Variants in SPATA4 observed in about 807,000 individuals in gnomAD.
SPATA4 encodes the protein spermatogenesis associated 4.
A neutral mutation model predicts 31.8 loss-of-function variants in SPATA4; 35 were observed. The observed-to-expected ratio is 1.10, with a 90% CI of 0.84 to 1.46. The LOEUF (loss-of-function observed/expected upper bound fraction) is 1.46. Among genes scored for constraint, SPATA4 ranks in the 40% most tolerant of loss-of-function variants. SPATA4 has a pLI of 0.00. For missense variants in SPATA4, 394 were observed against 363.1 expected (o/e 1.09, Z -0.69); for synonymous variants, 126 against 132.4 (o/e 0.95, Z 0.33).
At chr4:176,194,704 A>T (rs1752585808) in intron 1 of SPATA4, 1 of 150,496 alleles carries the variant, frequency 6.6e-6, no homozygotes, top group African/African-American at 2.4e-5. Context: ...GACAAAGGGT[A>T]AACTGATCCT....
intron 4 of SPATA4, among the ~76,000 whole-genome samples, chr4:176,188,763 T>C (rs1423249729): frequency 6.6e-6 from 1 of 152,252 alleles, no homozygotes; most frequent in East Asian, 1.9e-4. Flanking sequence ...ATGTTTCCCA[T>C]ATTTCTTTTT....
intron 5 of SPATA4, among the ~76,000 whole-genome samples, chr4:176,186,240 C>T (rs1752439263): frequency 6.6e-6 from 1 of 152,194 alleles, no homozygotes; most frequent in Non-Finnish European, 1.5e-5. Flanking sequence ...CGTGCTGTGA[C>T]TCATTACTAC....
At chr4:176,188,077 C>G in intron 5 of SPATA4, 42 bp downstream of exon 5, 1 of 1,395,714 alleles carries the variant, frequency 7.2e-7, no homozygotes, top group East Asian at 2.3e-5. Context: ...GAAAGTCAAG[C>G]AAAAAAAAAT....
At chr4:176,190,633 C>T (rs1161118611) in intron 4 of SPATA4, among the ~76,000 whole-genome samples, 1 of 152,204 alleles carries the variant, frequency 6.6e-6, no homozygotes, top group African/African-American at 2.4e-5. Flanking sequence ...CTGTTTATTG[C>T]CTGGCTGTCA....
At position 176,184,673 on chromosome 4, in the gene SPATA4, A is replaced by G. The variant is rs1752409652; in HGVS notation, c.*107T>C. The G allele has an allele frequency of 7.5e-6, 4 of 532,334 alleles. No homozygotes were observed. The East Asian group carries it at 1.3e-4, about 17-fold the overall frequency. The allele number at this position is 532,334 out of a possible 1,614,324, so 33.0% of individuals were successfully genotyped here. A position where few individuals can be genotyped will look rare whatever the true frequency, so the allele number is the denominator to read the frequency against. ...TCTTTAACACAATTATGGAAAAGACACCACTCTATTTATTATTGAAATACA... is the reference window on the plus strand; with the variant it reads ...TCTTTAACACAATTATGGAAAAGACGCCACTCTATTTATTATTGAAATACA... On this transcript the variant is annotated 3_prime_UTR_variant, in exon 6 of 6. Transcript: ENST00000280191.
In SPATA4 at chr4:176,191,384, G is replaced by A. The variant is rs182234380; in HGVS notation, c.688+1243C>T. 5.0e-3 allele frequency among the ~76,000 whole-genome samples: 768 copies of A among 152,278 alleles called. 8 individuals are homozygous for A. The highest frequency in any genetic ancestry group is 0.016 in the African/African-American group (669 of 41,556). ...GCTGGGATTACAGGCGTGAGCCACCGCACCCGGCCTAGATTTCTAAGTTAA... is the reference window on the plus strand; with the variant it reads ...GCTGGGATTACAGGCGTGAGCCACCACACCCGGCCTAGATTTCTAAGTTAA... On this transcript the variant is annotated intron_variant, in intron 4 of 5. Coordinates refer to ENST00000280191, the MANE Select transcript of SPATA4 (RefSeq NM_144644.4).
rs1191814738 is a variant in SPATA4 at position 176,195,482 on chromosome 4, C to A, written c.81G>T (p.Gln27His). 6.2e-7 allele frequency: 1 copy of A among 1,614,148 alleles called. No homozygotes were observed. Among genetic ancestry groups the A allele is most frequent in the African/African-American group, 1.3e-5 (1 of 74,950 alleles). ...ALDKSPSLSPQLAAPIRGRPK... is the reference protein window; with the variant it reads ...ALDKSPSLSPHLAAPIRGRPK... Reference sequence around the variant, plus strand: ...GCCTCCCTCGGATGGGAGCTGCTAGCTGTGGCGAAAGTGACGGTGACTTGT... The same window carrying A: ...GCCTCCCTCGGATGGGAGCTGCTAGATGTGGCGAAAGTGACGGTGACTTGT... The change falls in exon 1 of 6, where the codon CAG (glutamine) becomes CAT (histidine). Residue 27 changes from glutamine (Q) to histidine (H), a missense_variant. Coordinates refer to ENST00000280191, the MANE Select transcript of SPATA4 (RefSeq NM_144644.4).
At chr4:176,192,580 G>A in intron 4 of SPATA4, 47 bp downstream of exon 4, 1 of 1,500,230 alleles carries the variant, frequency 6.7e-7, no homozygotes, top group South Asian at 1.1e-5. Flanking sequence ...CTCAAGAATA[G>A]CCTGATAGAG....
chr4:176,195,437 A>T lies in SPATA4; in HGVS notation c.126T>A (p.Tyr42Ter). 1 of 1,614,256 alleles carries T rather than the reference A, an allele frequency of 6.2e-7. No homozygotes were observed. Among genetic ancestry groups the T allele is most frequent in the Non-Finnish European group, 8.5e-7 (1 of 1,180,050 alleles). The change falls in exon 1 of 6, where the codon TAT becomes TAA. Residue 42 changes from tyrosine (Y) to a stop codon, truncating the protein, a stop_gained. Transcript: ENST00000280191. LOFTEE classifies it high-confidence loss of function. ...AGCGGGAGCTCTTCGGCGCATGCGG[A>T]TAGACCAGACACTTCTTAGGCCTCC... ...IRGRPKKCLVYPHAPKSSRLS... is the reference protein window; with the variant it reads ...IRGRPKKCLV
At chr4:176,186,337 C>T (rs1170469960) in intron 5 of SPATA4, among the ~76,000 whole-genome samples, 2 of 152,152 alleles carry the variant, frequency 1.3e-5, no homozygotes, top group African/African-American at 2.4e-5. Flanking sequence ...ATAAGGGGAA[C>T]GAGGCAAGCA....
At chr4:176,195,235 C>G in intron 1 of SPATA4, 110 bp downstream of exon 1, 2 of 1,015,570 alleles carry the variant, frequency 2.0e-6, no homozygotes, top group South Asian at 2.8e-5. Context: ...GTGGGGGGGT[C>G]TTGATTTGAA....
At chr4:176,190,019 G>T (rs141828639) in intron 4 of SPATA4, among the ~76,000 whole-genome samples, 413 of 152,226 alleles carry the variant, frequency 2.7e-3, no homozygotes, top group African/African-American at 9.4e-3. Context: ...CGTGACTGGG[G>T]GCTGCGTGCA....
At chr4:176,192,563 A>C in intron 4 of SPATA4, 64 bp downstream of exon 4, 1 of 1,390,324 alleles carries the variant, frequency 7.2e-7, no homozygotes, top group Non-Finnish European at 1.0e-6. Flanking sequence ...CATTTCTTTC[A>C]TCTGTGCTCA....
At chr4:176,185,655 T>C (rs1454253642) in intron 5 of SPATA4, among the ~76,000 whole-genome samples, 1 of 152,132 alleles carries the variant, frequency 6.6e-6, no homozygotes, top group Non-Finnish European at 1.5e-5. Context: ...TACTCTCTTA[T>C]CAGAAACTGA....
intron 5 of SPATA4, among the ~76,000 whole-genome samples, chr4:176,186,826 G>GA (rs1454017858): frequency 7.1e-6 from 1 of 141,142 alleles, no homozygotes; most frequent in Non-Finnish European, 1.6e-5. Context: ...GAGAAATCAT[G>GA]GTTTTTTTTT....
intron 4 of SPATA4, among the ~76,000 whole-genome samples, chr4:176,191,181 A>C (rs748205377): frequency 2.6e-5 from 4 of 151,288 alleles, no homozygotes; most frequent in Non-Finnish European, 5.9e-5. Flanking sequence ...CTGCAACCTA[A>C]GCCTCCTGGG....
intron 4 of SPATA4, among the ~76,000 whole-genome samples, chr4:176,189,211 C>G (rs1448595505): frequency 6.6e-6 from 1 of 152,064 alleles, no homozygotes; most frequent in Non-Finnish European, 1.5e-5. Flanking sequence ...AGACAACGAA[C>G]TGAAAGGAGG....
intron 4 of SPATA4, among the ~76,000 whole-genome samples, chr4:176,188,483 T>C (rs924210858): frequency 3.9e-5 from 6 of 152,170 alleles, no homozygotes; most frequent in African/African-American, 1.4e-4. Flanking sequence ...TATTCAATTA[T>C]AATGTATATA....
In SPATA4 at chr4:176,184,731, G is replaced by T; in HGVS notation, c.*49C>A. On this transcript the variant is annotated 3_prime_UTR_variant, in exon 6 of 6. Transcript: ENST00000280191. ...CTAGGTGATTCTGTTTCTTTATTAT[G>T]GCTAGAGATGGTGGCATCACTTCTT... The T allele has an allele frequency of 9.1e-7, 1 of 1,099,452 alleles. No homozygotes were observed. Among genetic ancestry groups the T allele is most frequent in the Non-Finnish European group, 1.3e-6 (1 of 750,584 alleles). The allele number at this position is 1,099,452 out of a possible 1,614,324, so 68.1% of individuals were successfully genotyped here.
Sources: gnomAD v4.1 joint callset for allele counts (sites outside exome capture counted in the v4.1 genomes callset) on GRCh38, gnomAD v4.1.1 for gene constraint, MANE v1.5 for transcripts, NCBI Gene and HGNC (gene_info 2026-07-23, HGNC 2026-07-21) for gene names.